Variants in SRP54 observed in about 807,000 individuals in gnomAD.
SRP54 encodes the protein signal recognition particle subunit SRP54.
Under a neutral mutation model 64.8 loss-of-function variants are expected in SRP54, and 10 were observed. The ratio of observed to expected loss-of-function variants is 0.15; its 90% confidence interval spans 0.10 to 0.26. The LOEUF is 0.26. Ranked by LOEUF, SRP54 falls within the 10% of genes least tolerant of loss-of-function variation. The pLI, the probability that SRP54 is intolerant of heterozygous loss-of-function variation, is 1.00. For missense variants in SRP54, 325 were observed against 613.7 expected (o/e 0.53, Z 4.97); for synonymous variants, 193 against 185.6 (o/e 1.04, Z -0.32).
intron 5 of SRP54, among the ~76,000 whole-genome samples, chr14:35,008,242 T>C (rs932627028): frequency 5.9e-5 from 9 of 152,214 alleles, no homozygotes; most frequent in African/African-American, 2.2e-4. Context: ...CACTCCTTTC[T>C]CCCAAATTGC....
chr14:35,021,749 A>C (rs918282933), intron 13 of SRP54, among the ~76,000 whole-genome samples: 4 of 152,232 alleles, frequency 2.6e-5, no homozygotes, highest in African/African-American at 9.6e-5. Context: ...TAAAGAAAAG[A>C]TTTTTCCCTA....
At chr14:34,986,040 A>T (rs2043890264) in intron 1 of SRP54, among the ~76,000 whole-genome samples, 1 of 152,058 alleles carries the variant, frequency 6.6e-6, no homozygotes, top group African/African-American at 2.4e-5. Flanking sequence ...TTATGTAAAG[A>T]TTCTTTTTAT....
chr14:35,005,108 G>A (rs566733562), intron 4 of SRP54, among the ~76,000 whole-genome samples: 1 of 152,268 alleles, frequency 6.6e-6, no homozygotes, highest in Admixed American at 6.5e-5. Context: ...AAGGCTGGAG[G>A]ATTACTTGAG....
chr14:35,008,328 A>G (rs2044299788), intron 5 of SRP54, among the ~76,000 whole-genome samples: 1 of 152,222 alleles, frequency 6.6e-6, no homozygotes, highest in African/African-American at 2.4e-5. Context: ...AGAGAAAAGG[A>G]TGATTTTTAG....
At chr14:34,995,594 C>T (rs988965326) in intron 1 of SRP54, among the ~76,000 whole-genome samples, 2 of 152,068 alleles carry the variant, frequency 1.3e-5, no homozygotes, top group Non-Finnish European at 2.9e-5. Flanking sequence ...CCCTTGCATC[C>T]TTACAAGTAG....
At chr14:35,023,138 A>G in intron 14 of SRP54, 58 bp downstream of exon 14, 3 of 1,427,304 alleles carry the variant, frequency 2.1e-6, no homozygotes, top group Non-Finnish European at 2.9e-6. Context: ...AGTTGAGAAA[A>G]AAGAGTGCTG....
chr14:34,983,049 CGT>C lies in SRP54; in HGVS notation c.-198_-197del, dbSNP rs2043828798. ...TCTTCCAGCTGGTGGGAGTTGACGA[CGT>C]GGTGCTGGGCGTTGGGACCCTACTT... On this transcript the variant is annotated 5_prime_UTR_variant, in exon 1 of 16. Coordinates refer to ENST00000216774, the MANE Select transcript of SRP54 (RefSeq NM_003136.4). 1 of 152,338 alleles carries C rather than the reference CGT, an allele frequency of 6.6e-6. No homozygotes were observed. Among genetic ancestry groups the C allele is most frequent in the South Asian group, 2.1e-4 (1 of 4,826 alleles). The allele number at this position is 152,338 out of a possible 1,614,324, so 9.4% of individuals were successfully genotyped here.
Position 35,011,092 on chromosome 14 carries a change from G to GT in SRP54, c.486-405dup, listed in dbSNP as rs774135661. Among the ~76,000 whole-genome samples the GT allele has an allele frequency of 2.8e-3, 402 of 145,144 alleles. 1 individual carries two copies. The highest frequency in any genetic ancestry group is 5.4e-3 in the East Asian group (27 of 5,042). On this transcript the variant is annotated intron_variant, in intron 7 of 15. Coordinates refer to ENST00000216774, the MANE Select transcript of SRP54 (RefSeq NM_003136.4). ...TAGGCATATTCCACTATGCCAGCTA[G>GT]TTTTTTTTTTTTGTAGAGATGGAAT...
chr14:35,002,766 G>A (rs2044196570), intron 4 of SRP54, among the ~76,000 whole-genome samples: 2 of 110,198 alleles, frequency 1.8e-5, no homozygotes, highest in African/African-American at 3.5e-5. Context: ...TTTTTTAAGA[G>A]ACAGTCTGAC....
At chr14:35,028,462 A>T (rs2139034545) in intron 15 of SRP54, among the ~76,000 whole-genome samples, 1 of 152,188 alleles carries the variant, frequency 6.6e-6, no homozygotes, top group Non-Finnish European at 1.5e-5. Flanking sequence ...GAACCTGGAT[A>T]TTTTTACTTA....
At chr14:35,004,394 C>T (rs1460687501) in intron 4 of SRP54, 2 of 152,058 alleles carry the variant, frequency 1.3e-5, no homozygotes, top group Admixed American at 6.5e-5. Flanking sequence ...ATGTCAATGA[C>T]GAGAGATCTG....
intron 10 of SRP54, 81 bp from the exon 11 acceptor site, chr14:35,014,663 A>T: frequency 9.6e-7 from 1 of 1,044,516 alleles, no homozygotes; most frequent in South Asian, 1.3e-5. Context: ...TCACAAGGTT[A>T]TTATGTATGT....
chr14:35,015,375 C>T (rs749932521), intron 11 of SRP54, among the ~76,000 whole-genome samples: 6 of 149,132 alleles, frequency 4.0e-5, no homozygotes, highest in African/African-American at 7.4e-5. Context: ...TGTGCTTGGC[C>T]GGTTCCTTGA....
At chr14:34,990,895 G>A (rs182426212) in intron 1 of SRP54, among the ~76,000 whole-genome samples, 1 of 152,118 alleles carries the variant, frequency 6.6e-6, no homozygotes, top group East Asian at 1.9e-4. Flanking sequence ...ATTTATTTTA[G>A]TGGCTTTTAA....
chr14:35,027,883 T>G, intron 14 of SRP54: 1 of 352,782 alleles, frequency 2.8e-6, no homozygotes, highest in Non-Finnish European at 5.1e-6. Context: ...ATATAGAATT[T>G]TACATGGTCT....
At chr14:34,997,280 T>G (rs1467317049) in intron 2 of SRP54, among the ~76,000 whole-genome samples, 1 of 152,172 alleles carries the variant, frequency 6.6e-6, no homozygotes, top group African/African-American at 2.4e-5. Flanking sequence ...TGTAAGCCAC[T>G]CCTTAGATGA....
chr14:34,992,277 TATATA>T (rs1262086109), intron 1 of SRP54, among the ~76,000 whole-genome samples: 2 of 152,012 alleles, frequency 1.3e-5, no homozygotes, highest in Admixed American at 6.5e-5. Flanking sequence ...ATTCATGTAT[TATATA>T]ATAAAATATA....
rs1311547718 is a variant in SRP54 at position 35,023,256 on chromosome 14, T to A, written c.1327+176T>A. Among the ~76,000 whole-genome samples, 3 of 150,700 alleles carry A rather than the reference T, an allele frequency of 2.0e-5. No homozygotes were observed. In the East Asian group the frequency reaches 5.8e-4, roughly 29 times the overall value. On this transcript the variant is annotated intron_variant, in intron 14 of 15. Coordinates refer to ENST00000216774, the MANE Select transcript of SRP54 (RefSeq NM_003136.4). ...TCATATTCAAGGTAATATTAATATTTAAAAAAAAACTTTACATCTGTGTAG... is the reference window on the plus strand; with the variant it reads ...TCATATTCAAGGTAATATTAATATTAAAAAAAAAACTTTACATCTGTGTAG...
chr14:34,989,469 CA>C (rs969169829), intron 1 of SRP54, among the ~76,000 whole-genome samples: 26 of 138,840 alleles, frequency 1.9e-4, no homozygotes, highest in South Asian at 4.5e-4. Context: ...AACTCTGTCT[CA>C]AAAAAAAAAA....
Sources: gnomAD v4.1 joint callset for allele counts (sites outside exome capture counted in the v4.1 genomes callset) on GRCh38, gnomAD v4.1.1 for gene constraint, MANE v1.5 for transcripts, NCBI Gene and HGNC (gene_info 2026-07-23, HGNC 2026-07-21) for gene names.